Variants in ZNF469 observed in about 807,000 individuals in gnomAD.
The protein encoded by ZNF469 is zinc finger protein 469.
Under a neutral mutation model 1.0 loss-of-function variants are expected in ZNF469, and 1 was observed. That is an observed-to-expected ratio of 1.00 (90% confidence interval 0.35 to 4.73). The LOEUF (loss-of-function observed/expected upper bound fraction) is 4.73. Among genes scored for constraint, ZNF469 ranks in the 30% most tolerant of loss-of-function variants. The pLI is 0.16. For missense variants in ZNF469, 6,100 were observed against 5,356.3 expected (o/e 1.14, Z -4.33); for synonymous variants, 2,703 against 2,363.4 (o/e 1.14, Z -4.17).
the ZNF469 span, among the ~76,000 whole-genome samples, chr16:88,149,191 T>C: frequency 6.6e-6 from 1 of 152,162 alleles, no homozygotes; most frequent in Non-Finnish European, 1.5e-5. Context: ...TTGTGGAACT[T>C]CTCCTTGAAG....
upstream of ZNF469, among the ~76,000 whole-genome samples, chr16:88,381,193 C>CAT (rs2092523350): frequency 8.0e-6 from 1 of 124,860 alleles, no homozygotes; most frequent in Non-Finnish European, 1.6e-5. Flanking sequence ...CACTCACACA[C>CAT]ATGCATTCAC....
the ZNF469 span, among the ~76,000 whole-genome samples, chr16:88,102,151 TTA>T: frequency 6.6e-6 from 1 of 151,136 alleles, no homozygotes; most frequent in Non-Finnish European, 1.5e-5. Context: ...TGCTGGTGAT[TTA>T]TCACACCTTC....
the ZNF469 span, among the ~76,000 whole-genome samples, chr16:88,246,174 C>T: frequency 6.6e-6 from 1 of 152,272 alleles, no homozygotes; most frequent in Non-Finnish European, 1.5e-5. Flanking sequence ...CTCCGCCTTG[C>T]CCATGTTCAT....
chr16:88,220,334 C>A, the ZNF469 span, among the ~76,000 whole-genome samples: 2 of 152,160 alleles, frequency 1.3e-5, no homozygotes, highest in African/African-American at 4.8e-5. Context: ...TGCTATAAAA[C>A]CTGGAGAATT....
chr16:88,359,564 G>A, the ZNF469 span, among the ~76,000 whole-genome samples: 1 of 152,206 alleles, frequency 6.6e-6, no homozygotes, highest in South Asian at 2.1e-4. Context: ...TGGCTATCGG[G>A]ATAGCCTTTT....
chr16:88,155,034 G>T, the ZNF469 span, among the ~76,000 whole-genome samples: 1 of 152,224 alleles, frequency 6.6e-6, no homozygotes, highest in African/African-American at 2.4e-5. Context: ...GCAGGTCCAG[G>T]TGGGGCTGGA....
the ZNF469 span, among the ~76,000 whole-genome samples, chr16:88,298,158 G>A: frequency 6.6e-6 from 1 of 152,146 alleles, no homozygotes; most frequent in African/African-American, 2.4e-5. Flanking sequence ...CAGCCCATGG[G>A]GTGAGGTGGG....
the ZNF469 span, among the ~76,000 whole-genome samples, chr16:88,374,852 G>A: frequency 0.011 from 1,731 of 152,314 alleles, 32 homozygotes; most frequent in African/African-American, 0.039. Context: ...TTTGCTAGCA[G>A]CTTGGGCGGT....
the ZNF469 span, among the ~76,000 whole-genome samples, chr16:88,296,634 AT>A: frequency 1.3e-5 from 2 of 151,986 alleles, no homozygotes; most frequent in Admixed American, 6.5e-5. Context: ...GCACACTCAC[AT>A]ACGCATACAC....
intron 1 of ZNF469, among the ~76,000 whole-genome samples, chr16:88,385,091 C>A (rs1222609946): frequency 6.6e-6 from 1 of 152,192 alleles, no homozygotes; most frequent in South Asian, 2.1e-4. Context: ...ACTTGACATT[C>A]CTGGTCAGGC....
At chr16:88,270,964 C>G in the ZNF469 span, among the ~76,000 whole-genome samples, 1 of 152,216 alleles carries the variant, frequency 6.6e-6, no homozygotes, top group East Asian at 1.9e-4. Flanking sequence ...GGCATCCAGG[C>G]TGAGGATTCA....
chr16:88,328,228 G>A, the ZNF469 span, among the ~76,000 whole-genome samples: 4 of 152,250 alleles, frequency 2.6e-5, no homozygotes, highest in African/African-American at 9.6e-5. Context: ...CAGTCTTGGT[G>A]CTTTCTGCAC....
chr16:88,336,726 C>A, the ZNF469 span, among the ~76,000 whole-genome samples: 16 of 152,248 alleles, frequency 1.1e-4, no homozygotes, highest in Non-Finnish European at 1.5e-4. Context: ...CACGCCAATA[C>A]CACGCAGACT....
At chr16:88,288,104 G>A in the ZNF469 span, among the ~76,000 whole-genome samples, 1 of 151,718 alleles carries the variant, frequency 6.6e-6, no homozygotes. Flanking sequence ...CTCCAATCTG[G>A]ACTAGATGTT....
At chr16:88,342,375 A>C in the ZNF469 span, among the ~76,000 whole-genome samples, 1 of 152,144 alleles carries the variant, frequency 6.6e-6, no homozygotes, top group African/African-American at 2.4e-5. Flanking sequence ...GTCCTCTCCC[A>C]GCAGCCCAGT....
chr16:88,129,324 C>A, the ZNF469 span, among the ~76,000 whole-genome samples: 1 of 152,166 alleles, frequency 6.6e-6, no homozygotes, highest in Non-Finnish European at 1.5e-5. Context: ...CGGGGTCTGG[C>A]GGGCAGGAGG....
At chr16:88,237,620 C>G in the ZNF469 span, among the ~76,000 whole-genome samples, 2 of 16,638 alleles carry the variant, frequency 1.2e-4, no homozygotes, top group African/African-American at 3.1e-4. Flanking sequence ...TGCCAGTCAC[C>G]CTCCCTGCCC....
At chr16:88,246,860 C>A in the ZNF469 span, among the ~76,000 whole-genome samples, 2 of 144,602 alleles carry the variant, frequency 1.4e-5, no homozygotes, top group Admixed American at 6.8e-5. Context: ...AGTGAATGAG[C>A]AAGTGAATGA....
chr16:88,321,001 G>A, the ZNF469 span, among the ~76,000 whole-genome samples: 2 of 152,230 alleles, frequency 1.3e-5, no homozygotes, highest in African/African-American at 4.8e-5. Context: ...AGACACCGTG[G>A]CTGCCATCCG....
Sources: allele counts gnomAD v4.1 joint callset (sites outside exome capture counted in the v4.1 genomes callset), GRCh38; gene constraint gnomAD v4.1.1; transcripts MANE v1.5; gene names NCBI Gene and HGNC (gene_info 2026-07-23, HGNC 2026-07-21).